The following UBE2QL1 variants were observed in gnomAD, a reference collection of about 807,000 sequenced individuals.
UBE2QL1 encodes ubiquitin-conjugating enzyme E2Q-like protein 1.
A neutral mutation model predicts 12.6 loss-of-function variants in UBE2QL1; 5 were observed. The ratio of observed to expected loss-of-function variants is 0.40; its 90% CI spans 0.21 to 0.83. The LOEUF (loss-of-function observed/expected upper bound fraction) is 0.83. Among genes scored for constraint, UBE2QL1 ranks in the 40% least tolerant of loss-of-function variants. The probability of loss-of-function intolerance (pLI) is 0.37; values close to 1 mark genes in which losing one functional copy is unlikely to be tolerated. For missense variants in UBE2QL1, 99 were observed against 222.6 expected (o/e 0.44, Z 3.53); for synonymous variants, 96 against 94.5 (o/e 1.02, Z -0.10).
chr5:6,463,596 C>CTGT (rs575069807), intron 1 of UBE2QL1, among the ~76,000 whole-genome samples: 7,870 of 112,794 alleles, frequency 0.07, 319 homozygotes, highest in South Asian at 0.14. Context: ...TGTATTTGTG[C>CTGT]TGTTATTATT....
chr5:6,474,522 A>G (rs890297339), intron 1 of UBE2QL1, among the ~76,000 whole-genome samples: 1 of 152,174 alleles, frequency 6.6e-6, no homozygotes, highest in African/African-American at 2.4e-5. Context: ...TTCATTCTTC[A>G]TCAATCATTT....
Position 6,449,053 on chromosome 5 carries a change from C to G in UBE2QL1, c.160C>G (p.Leu54Val). The stretch of plus-strand genomic sequence containing the variant: ...GGAGACCAACACCGAGTTCATCCTG[C>G]TCAACCTCACCTTCCCCGACAACTT... ...MKETNTEFILLNLTFPDNFPF... is the reference protein window; with the variant it reads ...MKETNTEFILVNLTFPDNFPF... The change falls in exon 1 of 2, where the codon CTC becomes GTC. Residue 54 changes from leucine (L) to valine (V), a missense_variant. Leu to Val is a conservative substitution (Grantham distance 32, BLOSUM62 1). Transcript: ENST00000399816. The G allele has an allele frequency of 6.5e-7, 1 of 1,549,028 alleles. No homozygotes were observed. The highest frequency in any genetic ancestry group is 8.7e-7 in the Non-Finnish European group (1 of 1,145,860).
intron 1 of UBE2QL1, among the ~76,000 whole-genome samples, chr5:6,456,631 G>A (rs193088907): frequency 1.3e-5 from 2 of 152,274 alleles, no homozygotes; most frequent in East Asian, 1.9e-4. Context: ...CTGTAGTGAC[G>A]TTGCCCTTGG....
At chr5:6,482,151 G>A (rs1553989250) in intron 1 of UBE2QL1, among the ~76,000 whole-genome samples, 1 of 152,208 alleles carries the variant, frequency 6.6e-6, no homozygotes, top group Non-Finnish European at 1.5e-5. Context: ...TTAGAGCGCT[G>A]TGCCAACAGG....
intron 1 of UBE2QL1, among the ~76,000 whole-genome samples, chr5:6,489,430 AAAAAAAG>A (rs1734523958): frequency 7.0e-6 from 1 of 143,040 alleles, no homozygotes; most frequent in Admixed American, 6.7e-5. Context: ...TCTGTAAAAA[AAAAAAAG>A]AAAAAGAAAA....
intron 1 of UBE2QL1, among the ~76,000 whole-genome samples, chr5:6,452,711 C>T (rs1050898782): frequency 2.0e-5 from 3 of 152,296 alleles, no homozygotes; most frequent in Middle Eastern, 3.4e-3. Flanking sequence ...ACTGCATTTT[C>T]GGACTCTGTA....
At chr5:6,466,267 C>T (rs932309115) in intron 1 of UBE2QL1, among the ~76,000 whole-genome samples, 8 of 152,206 alleles carry the variant, frequency 5.3e-5, no homozygotes, top group African/African-American at 9.6e-5. Flanking sequence ...TCATGGGGAG[C>T]GAACTGCTCA....
At chr5:6,485,460 T>C (rs148267715) in intron 1 of UBE2QL1, among the ~76,000 whole-genome samples, 1,855 of 152,322 alleles carry the variant, frequency 0.012, 26 homozygotes, top group African/African-American at 0.039. Flanking sequence ...CTTTGAAAGA[T>C]GCTTGTAAGC....
intron 1 of UBE2QL1, among the ~76,000 whole-genome samples, chr5:6,477,084 C>A (rs1734249100): frequency 1.3e-5 from 2 of 152,134 alleles, no homozygotes. Context: ...CTCTACACAC[C>A]CCCATGCCTA....
At chr5:6,468,181 TTCTC>T (rs1370621782) in intron 1 of UBE2QL1, among the ~76,000 whole-genome samples, 1 of 152,210 alleles carries the variant, frequency 6.6e-6, no homozygotes, top group Non-Finnish European at 1.5e-5. Context: ...CAGTGTTCCT[TTCTC>T]TCCTTCCTTT....
rs115364396 is a variant in UBE2QL1 at position 6,478,793 on chromosome 5, G to A, written c.355-12425G>A. On this transcript the variant is annotated intron_variant, in intron 1 of 1. Transcript: ENST00000399816. This position sits in a 1 kb window ranked among gnomAD's most constrained non-coding sequence, Gnocchi z 4.5. ...CACAGGCAAGGGCTTAGGGCTGCAG[G>A]TGGATGATCTCCTGCGCACGTGGGA... Among the ~76,000 whole-genome samples the A allele has an allele frequency of 9.2e-3, 1,403 of 152,304 alleles. 8 individuals are homozygous for A. Among genetic ancestry groups the A allele is most frequent in the Non-Finnish European group, 0.013 (902 of 68,026 alleles).
chr5:6,449,436 C>G lies in UBE2QL1; in HGVS notation c.354+189C>G, dbSNP rs1190735251. ...CCTCTTTTCCCTGAGCGTTTTCTTC[C>G]TGCCCCTGCTTTCCGTCCCGTCTCT... On this transcript the variant is annotated intron_variant, in intron 1 of 1. Coordinates refer to ENST00000399816, the MANE Select transcript of UBE2QL1 (RefSeq NM_001145161.3). 2.0e-5 allele frequency among the ~76,000 whole-genome samples: 3 copies of G among 152,168 alleles called. No individual in the cohort carries two copies. In the East Asian group the frequency reaches 5.8e-4, roughly 29 times the overall value.
rs149977391 is a variant in UBE2QL1, at chr5:6,481,297, C to T, written c.355-9921C>T. On this transcript the variant is annotated intron_variant, in intron 1 of 1. Transcript: ENST00000399816. This position sits in a 1 kb window ranked among gnomAD's most constrained non-coding sequence, Gnocchi z 4.5. ...GCGTCTCTCTCTGCAGGCCTGGCCC[C>T]GGGTCACTTGGCATGGTGGCCCACC... Among the ~76,000 whole-genome samples, 29 of 152,312 alleles carry T rather than the reference C, an allele frequency of 1.9e-4. No homozygotes were observed. The highest frequency in any genetic ancestry group is 3.9e-4 in the East Asian group (2 of 5,178).
chr5:6,469,765 T>A (rs577541774), intron 1 of UBE2QL1, among the ~76,000 whole-genome samples: 13 of 152,236 alleles, frequency 8.5e-5, no homozygotes, highest in African/African-American at 3.1e-4. Context: ...TTCCTCTAAG[T>A]GCTCTTAACC....
In UBE2QL1 at chr5:6,479,902, G is replaced by A. The variant is rs1044843325; in HGVS notation, c.355-11316G>A. 6.6e-6 allele frequency among the ~76,000 whole-genome samples: 1 copy of A among 152,186 alleles called. No individual in the cohort carries two copies. The highest frequency in any genetic ancestry group is 1.5e-5 in the Non-Finnish European group (1 of 68,026). ...TGCTGCAAAGACCAGAATGTACGTA[G>A]TAAAGGTAGACTCAGGGCCCTGATC... is the stretch of plus-strand genomic sequence containing the variant. On this transcript the variant is annotated intron_variant, in intron 1 of 1. Coordinates refer to ENST00000399816, the MANE Select transcript of UBE2QL1 (RefSeq NM_001145161.3). This position sits in a 1 kb window ranked among gnomAD's most constrained non-coding sequence, Gnocchi z 4.2.
At chr5:6,467,090 A>G (rs1183516191) in intron 1 of UBE2QL1, among the ~76,000 whole-genome samples, 2 of 152,042 alleles carry the variant, frequency 1.3e-5, no homozygotes, top group Middle Eastern at 3.2e-3. Flanking sequence ...ATTTCATTGT[A>G]GTCCTTCCCT....
At chr5:6,451,249 T>TG (rs895595720) in intron 1 of UBE2QL1, among the ~76,000 whole-genome samples, 1 of 4,022 alleles carries the variant, frequency 2.5e-4, no homozygotes, top group Admixed American at 2.3e-3. Context: ...GAAATGGGGA[T>TG]TTTTTTTTTT....
chr5:6,484,986 C>T (rs895943686), intron 1 of UBE2QL1, among the ~76,000 whole-genome samples: 2 of 152,022 alleles, frequency 1.3e-5, no homozygotes, highest in Non-Finnish European at 2.9e-5. Context: ...AGGCTCACAT[C>T]GGTCCCTGCA....
chr5:6,454,016 G>T (rs1218254096), intron 1 of UBE2QL1, among the ~76,000 whole-genome samples: 1 of 152,102 alleles, frequency 6.6e-6, no homozygotes, highest in African/African-American at 2.4e-5. Flanking sequence ...AAGTAGTTGG[G>T]ACTACAGGTG....
Sources: gnomAD v4.1 joint callset for allele counts (sites outside exome capture counted in the v4.1 genomes callset) on GRCh38, gnomAD v4.1.1 for gene constraint, Gnocchi (gnomAD v3.1) non-coding constraint, MANE v1.5 for transcripts, NCBI Gene and HGNC (gene_info 2026-07-23, HGNC 2026-07-21) for gene names.